The following REV3L variants were observed in gnomAD, a reference collection of about 807,000 sequenced individuals.
REV3L encodes the protein DNA polymerase zeta catalytic subunit.
A neutral mutation model predicts 299.4 loss-of-function variants in REV3L; 69 were observed. That is an observed-to-expected ratio of 0.23 (90% CI 0.19 to 0.28). The LOEUF (loss-of-function observed/expected upper bound fraction) is 0.28. Among genes scored for constraint, REV3L ranks in the 10% least tolerant of loss-of-function variants. The probability of loss-of-function intolerance (pLI) is 1.00; values close to 1 mark genes in which losing one functional copy is unlikely to be tolerated. For missense variants in REV3L, 3,128 were observed against 3,693.8 expected (o/e 0.85, Z 3.97); for synonymous variants, 1,238 against 1,271.4 (o/e 0.97, Z 0.56).
chr6:111,377,932 A>G (rs1202648276), intron 11 of REV3L, 89 bp from the exon 12 acceptor site: 5 of 1,034,208 alleles, frequency 4.8e-6, no homozygotes, highest in Non-Finnish European at 6.9e-6. Flanking sequence ...ACTCTATAAT[A>G]ATGTATCTAA....
At chr6:111,300,481 T>C (rs1032194086) in intron 31 of REV3L, among the ~76,000 whole-genome samples, 1 of 152,208 alleles carries the variant, frequency 6.6e-6, no homozygotes, top group African/African-American at 2.4e-5. Context: ...ACATGAACTA[T>C]AAACACGTTT....
intron 1 of REV3L, chr6:111,430,215 G>T: frequency 2.4e-6 from 2 of 825,826 alleles, no homozygotes; most frequent in Non-Finnish European, 4.3e-6. Flanking sequence ...ACAAGAAGAA[G>T]TAGAACAGAT....
chr6:111,326,613 C>CCA (rs1554192771), intron 25 of REV3L, among the ~76,000 whole-genome samples: 54 of 145,966 alleles, frequency 3.7e-4, no homozygotes, highest in Middle Eastern at 7.1e-3. Flanking sequence ...ATACCCCCCC[C>CCA]AAAAAAAAAA....
intron 1 of REV3L, among the ~76,000 whole-genome samples, chr6:111,435,385 A>C (rs1164780660): frequency 6.6e-6 from 1 of 152,258 alleles, no homozygotes; most frequent in African/African-American, 2.4e-5. Flanking sequence ...AGCTGGAGGC[A>C]TCACACTACC....
intron 13 of REV3L, among the ~76,000 whole-genome samples, chr6:111,369,467 T>C (rs1779565545): frequency 6.6e-6 from 1 of 152,012 alleles, no homozygotes; most frequent in Non-Finnish European, 1.5e-5. Flanking sequence ...ATACAAGAAA[T>C]GCTTTAAGAA....
rs771533730 is a variant in REV3L, at chr6:111,482,790, C to T, written c.99G>A (p.Lys33=). The T allele has an allele frequency of 4.7e-6, 7 of 1,491,096 alleles. No homozygotes were observed. The highest frequency in any genetic ancestry group is 5.5e-5 in the East Asian group (2 of 36,672). The allele number at this position is 1,491,096 out of a possible 1,614,324, so 92.4% of individuals were successfully genotyped here. A position where few individuals can be genotyped will look rare whatever the true frequency, so the allele number is the denominator to read the frequency against. Residue 33 remains lysine (K), a synonymous_variant, in exon 1 of 32, where the codon AAG becomes AAA. Coordinates refer to ENST00000368802, the MANE Select transcript of REV3L (RefSeq NM_001372078.1). ...CGAAGACTCGCACCACCGGCACCTT[C>T]TTGACAGGGGCCTGGGTGAGGGGGG... The part of the protein sequence containing the change: ...CQSPLTQAPV[K]KVPVVRVFGA...
intron 1 of REV3L, among the ~76,000 whole-genome samples, chr6:111,470,719 C>T (rs1792098528): frequency 1.3e-5 from 2 of 152,156 alleles, no homozygotes; most frequent in Non-Finnish European, 2.9e-5. Flanking sequence ...ATGGCTCACG[C>T]CTGTAATCCC....
chr6:111,375,764 T>C lies in REV3L; in HGVS notation c.2591A>G (p.Asn864Ser), dbSNP rs1780241026. 1 of 1,613,828 alleles carries C rather than the reference T, an allele frequency of 6.2e-7. No individual in the cohort carries two copies. Among genetic ancestry groups the C allele is most frequent in the Non-Finnish European group, 8.5e-7 (1 of 1,179,780 alleles). ...KDNFIQNNPCNSNPEKDNALA... is the reference protein window; with the variant it reads ...KDNFIQNNPCSSNPEKDNALA... ...TGCATTATCCTTCTCAGGATTACTA[T>C]TACAAGGATTATTTTGTATAAAATT... The change falls in exon 13 of 32, where the codon AAT becomes AGT. Residue 864 changes from asparagine (N) to serine (S), a missense_variant. By Grantham distance (46) the Asn-to-Ser change is conservative. Transcript: ENST00000368802.
intron 18 of REV3L, chr6:111,353,882 A>G (rs1777821945): frequency 6.6e-6 from 1 of 152,230 alleles, no homozygotes; most frequent in South Asian, 2.1e-4. Context: ...CTTGTCCAGT[A>G]TATCTCCCTT....
upstream of REV3L, chr6:111,483,459 G>C: frequency 2.0e-6 from 1 of 504,452 alleles, no homozygotes; most frequent in Non-Finnish European, 3.7e-6. Context: ...ACGGTCACCT[G>C]GGTGAGGGGC....
chr6:111,444,927 TC>T (rs1044025653), intron 1 of REV3L, among the ~76,000 whole-genome samples: 1 of 152,192 alleles, frequency 6.6e-6, no homozygotes, highest in Non-Finnish European at 1.5e-5. Flanking sequence ...CCTACTTCTT[TC>T]CCAGAAGTAT....
chr6:111,404,093 T>A (rs997595560), intron 4 of REV3L, among the ~76,000 whole-genome samples: 4 of 152,162 alleles, frequency 2.6e-5, no homozygotes, highest in Admixed American at 6.5e-5. Flanking sequence ...ATGCCTGATT[T>A]CAAAGCTTCA....
chr6:111,469,003 A>G (rs1358510621), intron 1 of REV3L, among the ~76,000 whole-genome samples: 5 of 152,132 alleles, frequency 3.3e-5, no homozygotes, highest in African/African-American at 9.7e-5. Flanking sequence ...TCTACTAAAA[A>G]TACAAAAAAT....
At position 111,467,363 on chromosome 6, in the gene REV3L, C is replaced by T. The variant is rs191056954; in HGVS notation, c.139+15387G>A. Among the ~76,000 whole-genome samples the T allele has an allele frequency of 1.4e-3, 206 of 152,326 alleles. 1 individual carries two copies. The highest frequency in any genetic ancestry group is 4.7e-3 in the African/African-American group (194 of 41,570). ...AGGATATTATTTGGGCAGTAGGTAG[C>T]ATTACTGCATTCTCAAAAGAGTCTA... On this transcript the variant is annotated intron_variant, in intron 1 of 31. Coordinates refer to ENST00000368802, the MANE Select transcript of REV3L (RefSeq NM_001372078.1).
chr6:111,350,701 T>C (rs896736633), intron 19 of REV3L, among the ~76,000 whole-genome samples: 4 of 151,876 alleles, frequency 2.6e-5, no homozygotes, highest in African/African-American at 4.8e-5. Flanking sequence ...CTCAGTCTCC[T>C]GAGTAGCTGG....
chr6:111,311,364 T>G, intron 28 of REV3L, 105 bp from the exon 29 acceptor site: 1 of 711,888 alleles, frequency 1.4e-6, no homozygotes, highest in Non-Finnish European at 2.2e-6. Context: ...CCTGCTAACC[T>G]ACCTAAATAA....
rs1318912240 is a variant in REV3L, at chr6:111,309,901, G to C, written c.8994C>G (p.Phe2998Leu). Residue 2998 changes from phenylalanine (F) to leucine (L), a missense_variant, in exon 30 of 32, where the codon TTC (phenylalanine) becomes TTG (leucine). Phe to Leu is a conservative substitution (Grantham distance 22). Around this residue, in one of 9 missense-constraint regions of REV3L, gnomAD observed 294 missense variants for 377.0 expected, o/e 0.78. Coordinates refer to ENST00000368802, the MANE Select transcript of REV3L (RefSeq NM_001372078.1). ...KQILPPLARI[F>L]SLIGIDVFSW... Reference sequence around the variant, plus strand: ...TGAAGACATCAATACCAATAAGTGAGAAGATTCTTGCCAAGGGTGGAAGGA... The same window carrying C: ...TGAAGACATCAATACCAATAAGTGACAAGATTCTTGCCAAGGGTGGAAGGA... The C allele has an allele frequency of 2.1e-5, 34 of 1,613,976 alleles. No individual in the cohort carries two copies. The highest frequency in any genetic ancestry group is 2.7e-5 in the Non-Finnish European group (32 of 1,179,994).
chr6:111,428,317 GA>G (rs1786441026), intron 1 of REV3L, among the ~76,000 whole-genome samples: 1 of 151,958 alleles, frequency 6.6e-6, no homozygotes, highest in African/African-American at 2.4e-5. Flanking sequence ...AGGCAAAGCA[GA>G]AAAGTAATTA....
intron 13 of REV3L, among the ~76,000 whole-genome samples, chr6:111,369,375 GA>G (rs969253603): frequency 2.6e-5 from 4 of 150,980 alleles, no homozygotes; most frequent in Non-Finnish European, 4.4e-5. Context: ...AACCCACTGG[GA>G]AAAAAAATCT....
Sources: gnomAD v4.1 joint callset for allele counts (sites outside exome capture counted in the v4.1 genomes callset) on GRCh38, gnomAD v4.1.1 for gene constraint, gnomAD v4.1.1 regional missense constraint, MANE v1.5 for transcripts, NCBI Gene and HGNC (gene_info 2026-07-23, HGNC 2026-07-21) for gene names.